TCF12: variants seen among roughly 807,000 people sequenced by gnomAD.
The protein encoded by TCF12 is DNA-binding protein HTF4.
Under a neutral mutation model 86.0 loss-of-function variants are expected in TCF12, and 45 were observed. The ratio of observed to expected loss-of-function variants is 0.52; its 90% confidence interval spans 0.41 to 0.67. TCF12 has a LOEUF of 0.67. Among genes scored for constraint, TCF12 ranks in the 30% least tolerant of loss-of-function variants. The pLI, the probability that TCF12 is intolerant of heterozygous loss-of-function variation, is 0.00. For missense variants in TCF12, 881 were observed against 859.9 expected, an observed-to-expected ratio of 1.02 and a Z score of -0.31; for synonymous variants, 330 against 299.6, an observed-to-expected ratio of 1.10 and a Z score of -1.05.
chr15:57,074,359 TTA>T (rs143858046), intron 4 of TCF12, among the ~76,000 whole-genome samples: 51,021 of 96,758 alleles, frequency 0.53, 11,126 homozygotes, highest in Non-Finnish European at 0.61. Flanking sequence ...CCCATTTTGA[TTA>T]AAAAAAAAAA....
At chr15:57,017,726 C>T (rs202166714) in intron 3 of TCF12, among the ~76,000 whole-genome samples, 81 of 130,432 alleles carry the variant, frequency 6.2e-4, no homozygotes, top group East Asian at 1.1e-3. Context: ...AATTTTCTTT[C>T]TTTTTTTTTT....
chr15:57,218,544 C>A (rs1269411051), intron 8 of TCF12, among the ~76,000 whole-genome samples: 1 of 152,066 alleles, frequency 6.6e-6, no homozygotes, highest in Non-Finnish European at 1.5e-5. Context: ...TGAGCATTAG[C>A]ATAAAAATAT....
intron 8 of TCF12, among the ~76,000 whole-genome samples, chr15:57,201,991 T>A (rs770573973): frequency 2.8e-4 from 42 of 152,220 alleles, no homozygotes; most frequent in South Asian, 6.2e-4. Flanking sequence ...TTTGTTAGCA[T>A]CCTTTACAGC....
chr15:57,197,162 T>G (rs1028637118), intron 7 of TCF12, among the ~76,000 whole-genome samples: 4 of 142,018 alleles, frequency 2.8e-5, no homozygotes, highest in Admixed American at 2.1e-4. Flanking sequence ...CTTTTTTTTT[T>G]TTTTTTTTTT....
At chr15:56,958,893 C>G (rs1406019500) in intron 3 of TCF12, among the ~76,000 whole-genome samples, 2 of 151,918 alleles carry the variant, frequency 1.3e-5, no homozygotes, top group African/African-American at 4.8e-5. Flanking sequence ...ATAAATTCAG[C>G]TTTTAATTTT....
At position 57,187,601 on chromosome 15, in the gene TCF12, C is replaced by T. The variant is rs188946233; in HGVS notation, c.391-4557C>T. On this transcript the variant is annotated intron_variant, in intron 6 of 20. Coordinates refer to ENST00000333725, the MANE Select transcript of TCF12 (RefSeq NM_207037.2). Reference sequence around the variant, plus strand: ...CCACATTCAAAGCCGTCCTGGGCCACGTAACCCACAGGCTGTGGGTTGGAC... The same window carrying T: ...CCACATTCAAAGCCGTCCTGGGCCATGTAACCCACAGGCTGTGGGTTGGAC... 1.9e-4 allele frequency among the ~76,000 whole-genome samples: 29 copies of T among 152,236 alleles called. No individual in the cohort carries two copies. In the East Asian group the frequency reaches 4.6e-3, roughly 24 times the overall value.
intron 6 of TCF12, among the ~76,000 whole-genome samples, chr15:57,189,283 A>G (rs1183636948): frequency 1.3e-5 from 2 of 152,244 alleles, no homozygotes. Context: ...ATCAAAGGAC[A>G]TTATCAAGAC....
intron 5 of TCF12, among the ~76,000 whole-genome samples, chr15:57,130,512 T>G (rs2052025899): frequency 6.6e-6 from 1 of 152,136 alleles, no homozygotes; most frequent in Non-Finnish European, 1.5e-5. Flanking sequence ...ACTCAGATAC[T>G]CTAGAGTGCA....
intron 18 of TCF12, among the ~76,000 whole-genome samples, chr15:57,264,805 T>G (rs1250704149): frequency 6.6e-6 from 1 of 151,872 alleles, no homozygotes; most frequent in Non-Finnish European, 1.5e-5. Flanking sequence ...TCTTGGCTCA[T>G]TGCAACCTCT....
At chr15:57,056,579 C>T (rs1188167848) in intron 3 of TCF12, among the ~76,000 whole-genome samples, 3 of 152,168 alleles carry the variant, frequency 2.0e-5, no homozygotes, top group African/African-American at 7.2e-5. Context: ...CCAATGTTAA[C>T]CTCCCACGTA....
intron 4 of TCF12, among the ~76,000 whole-genome samples, chr15:57,088,890 A>T (rs2048814764): frequency 6.6e-6 from 1 of 152,026 alleles, no homozygotes; most frequent in African/African-American, 2.4e-5. Context: ...TCTACAACTG[A>T]TTTTAAACAT....
chr15:57,039,708 AGTCCGTAGAC>A (rs2066768276), intron 3 of TCF12, among the ~76,000 whole-genome samples: 1 of 152,144 alleles, frequency 6.6e-6, no homozygotes, highest in Non-Finnish European at 1.5e-5. Flanking sequence ...TTACTTATTA[AGTCCGTAGAC>A]CTTCTTGTTG....
In TCF12 at chr15:57,181,146, G is replaced by A. The variant is rs943777931; in HGVS notation, c.391-11012G>A. Among the ~76,000 whole-genome samples the A allele has an allele frequency of 4.6e-5, 7 of 152,132 alleles. No homozygotes were observed. In the East Asian group the frequency reaches 1.4e-3, roughly 30 times the overall value. Reference sequence around the variant, plus strand: ...ATAATTTTTGACCTACGGTTAATTAGGCCCTTATTTGATGTGAAGTTATGA... The same window carrying A: ...ATAATTTTTGACCTACGGTTAATTAAGCCCTTATTTGATGTGAAGTTATGA... On this transcript the variant is annotated intron_variant, in intron 6 of 20. Coordinates refer to ENST00000333725, the MANE Select transcript of TCF12 (RefSeq NM_207037.2).
chr15:57,081,056 C>A (rs909575979), intron 4 of TCF12, among the ~76,000 whole-genome samples: 1 of 152,122 alleles, frequency 6.6e-6, no homozygotes, highest in African/African-American at 2.4e-5. Context: ...CATGAGAGTC[C>A]CCCAGTCCAA....
At chr15:57,195,742 G>A (rs890651933) in intron 7 of TCF12, among the ~76,000 whole-genome samples, 2 of 152,222 alleles carry the variant, frequency 1.3e-5, no homozygotes, top group African/African-American at 4.8e-5. Context: ...GGTGGCTCAT[G>A]CCTATAATCC....
chr15:56,972,625 CAGTT>C (rs1157782685), intron 3 of TCF12, among the ~76,000 whole-genome samples: 2 of 152,026 alleles, frequency 1.3e-5, no homozygotes, highest in Admixed American at 1.3e-4. Flanking sequence ...ACCACAGACA[CAGTT>C]AGTAGGTTTA....
At chr15:57,197,933 C>A in intron 8 of TCF12, 108 bp downstream of exon 8, 1 of 1,085,452 alleles carries the variant, frequency 9.2e-7, no homozygotes. Flanking sequence ...GCATACTTTA[C>A]ATAGTAATTG....
intron 6 of TCF12, among the ~76,000 whole-genome samples, chr15:57,177,938 C>A (rs76567231): frequency 0.029 from 4,463 of 152,056 alleles, 180 homozygotes; most frequent in African/African-American, 0.09. Flanking sequence ...TTCATTGTTT[C>A]TTTCTTTCTG....
At chr15:57,233,938 C>G (rs1298713084) in intron 11 of TCF12, 105 bp from the exon 12 acceptor site, 1 of 853,946 alleles carries the variant, frequency 1.2e-6, no homozygotes, top group Non-Finnish European at 2.0e-6. Context: ...TTTACTGTAA[C>G]AGATGTGAGA....
Sources: allele counts gnomAD v4.1 joint callset (sites outside exome capture counted in the v4.1 genomes callset), GRCh38; gene constraint gnomAD v4.1.1; transcripts MANE v1.5; gene names NCBI Gene and HGNC (gene_info 2026-07-23, HGNC 2026-07-21).